The following ZC3HC1 variants were observed in gnomAD, a reference collection of about 807,000 sequenced individuals.
ZC3HC1 encodes zinc finger C3HC-type containing 1.
ZC3HC1 carries 38 observed loss-of-function variants against 61.9 expected under a neutral mutation model. That is an observed-to-expected ratio of 0.61 (90% confidence interval 0.47 to 0.81). ZC3HC1 has a LOEUF of 0.81. ZC3HC1 is among the 30% of genes least tolerant of loss of function. The pLI is 0.00. For synonymous variants in ZC3HC1, 213 were observed against 229.9 expected (o/e 0.93, Z 0.67); for missense variants, 554 against 622.7 (o/e 0.89, Z 1.17).
At chr7:130,043,873 T>C (rs1333965999) in intron 2 of ZC3HC1, 1 of 455,284 alleles carries the variant, frequency 2.2e-6, no homozygotes, top group Non-Finnish European at 4.4e-6. Flanking sequence ...AGGGGATTGA[T>C]CAAAGTAGTA....
chr7:130,026,261 G>A lies in ZC3HC1; in HGVS notation c.673C>T (p.Leu225Phe), dbSNP rs757099792. The A allele has an allele frequency of 6.2e-7, 1 of 1,614,064 alleles. No individual in the cohort carries two copies. Among genetic ancestry groups the A allele is most frequent in the South Asian group, 1.1e-5 (1 of 91,082 alleles). Residue 225 changes from leucine (L) to phenylalanine (F), a missense_variant, in exon 6 of 10, where the codon CTT becomes TTT. By Grantham distance (22) the Leu-to-Phe change is conservative. Transcript: ENST00000358303. ...TTTCTCTCATCAGTTCGGTGATCAA[G>A]TTCATCTTCAAGCAAGTGTAGGAGA... ...SLLLHLLEDE[L>F]DHRTDERKTT... is the part of the protein sequence containing the mutation.
chr7:130,027,736 C>G (rs1793982771), intron 5 of ZC3HC1, among the ~76,000 whole-genome samples: 1 of 151,748 alleles, frequency 6.6e-6, no homozygotes, highest in South Asian at 2.1e-4. Flanking sequence ...CCAGGCTGGT[C>G]TCGAACTCCT....
rs1306945141 is a variant in ZC3HC1 at position 130,039,147 on chromosome 7, C to A, written c.493+317G>T. 7.4e-5 allele frequency: 19 copies of A among 255,648 alleles called. No homozygotes were observed. In the East Asian group the frequency reaches 1.3e-3, roughly 17 times the overall value. 15.8% of individuals were successfully genotyped at this position (255,648 alleles called of 1,614,324 possible). On this transcript the variant is annotated intron_variant, in intron 4 of 9. Transcript: ENST00000358303. ...ATCATCTGAGGTCAAGAGTTCGAGA[C>A]CAGATTGACCAACATGGTGAAACCC...
chr7:130,026,339 C>T (rs1793909217), intron 5 of ZC3HC1, 27 bp from the exon 6 acceptor site: 11 of 1,588,276 alleles, frequency 6.9e-6, no homozygotes, highest in Admixed American at 3.5e-5. Flanking sequence ...TAAAAAACTT[C>T]GTTTCAACCA....
chr7:130,027,761 T>C (rs7456578), intron 5 of ZC3HC1, among the ~76,000 whole-genome samples: 1 of 151,800 alleles, frequency 6.6e-6, no homozygotes, highest in Non-Finnish European at 1.5e-5. Context: ...TCAGGTGATC[T>C]ACCCACCTCA....
intron 9 of ZC3HC1, among the ~76,000 whole-genome samples, chr7:130,021,456 C>T (rs2116648648): frequency 6.6e-6 from 1 of 152,348 alleles, no homozygotes; most frequent in Middle Eastern, 3.4e-3. Context: ...CCAATCTTTA[C>T]ACAGAGCAAA....
chr7:130,032,154 G>A (rs776755428), intron 4 of ZC3HC1, among the ~76,000 whole-genome samples: 4 of 151,034 alleles, frequency 2.6e-5, no homozygotes, highest in African/African-American at 2.4e-5. Context: ...AACCTGGGAG[G>A]TGGAGGTTGC....
At chr7:130,043,872 A>G (rs1315180730) in intron 2 of ZC3HC1, 1 of 455,608 alleles carries the variant, frequency 2.2e-6, no homozygotes, top group East Asian at 7.0e-5. Context: ...TAGGGGATTG[A>G]TCAAAGTAGT....
intron 4 of ZC3HC1, among the ~76,000 whole-genome samples, chr7:130,032,670 G>C (rs990952131): frequency 2.2e-5 from 1 of 45,938 alleles, no homozygotes; most frequent in African/African-American, 1.1e-4. Flanking sequence ...AGAAGAAATG[G>C]AAGGAAGGAA....
chr7:130,031,435 C>T (rs1794187068), intron 4 of ZC3HC1, among the ~76,000 whole-genome samples: 1 of 152,064 alleles, frequency 6.6e-6, no homozygotes, highest in Non-Finnish European at 1.5e-5. Context: ...TCCAAAGCCC[C>T]ATTCCAGAGA....
At chr7:130,043,879 T>C (rs1383799854) in intron 2 of ZC3HC1, 2 of 454,830 alleles carry the variant, frequency 4.4e-6, no homozygotes, top group South Asian at 1.6e-5. Flanking sequence ...TTGATCAAAG[T>C]AGTAAATATA....
At chr7:130,049,680 G>A (rs1794998598) in intron 1 of ZC3HC1, among the ~76,000 whole-genome samples, 2 of 151,918 alleles carry the variant, frequency 1.3e-5, no homozygotes, top group Non-Finnish European at 2.9e-5. Flanking sequence ...CAGTAGCTGG[G>A]ATTACAGGCG....
intron 1 of ZC3HC1, among the ~76,000 whole-genome samples, chr7:130,050,129 G>C (rs1160247267): frequency 6.6e-6 from 1 of 151,968 alleles, no homozygotes; most frequent in East Asian, 1.9e-4. Flanking sequence ...TCAGGCTGGA[G>C]TGCAGTGACG....
Position 130,024,500 on chromosome 7 carries a change from A to G in ZC3HC1, c.783T>C (p.Ser261=). The change falls in exon 7 of 10, where the codon TCT becomes TCC. Residue 261 remains serine (S), a synonymous_variant. Transcript: ENST00000358303. Reference sequence around the variant, plus strand: ...TCAGGGAGAGCTGCATGGATTCCAAAGAGGAACTAGATAGGAATGAAAAAG... The same window carrying G: ...TCAGGGAGAGCTGCATGGATTCCAAGGAGGAACTAGATAGGAATGAAAAAG... ...LSVCGWACSS[S]LESMQLSLIT... is the part of the protein sequence containing the mutation. 2 of 1,607,094 alleles carry G rather than the reference A, an allele frequency of 1.2e-6. No individual in the cohort carries two copies. The highest frequency in any genetic ancestry group is 1.7e-6 in the Non-Finnish European group (2 of 1,176,830).
chr7:130,026,091 G>A lies in ZC3HC1; in HGVS notation c.776+67C>T, dbSNP rs1202864337. 5 of 1,464,468 alleles carry A rather than the reference G, an allele frequency of 3.4e-6. No homozygotes were observed. In the Admixed American group the frequency reaches 8.6e-5, roughly 25 times the overall value. 90.7% of individuals were successfully genotyped at this position (1,464,468 alleles called of 1,614,324 possible). On this transcript the variant is annotated intron_variant, in intron 6 of 9. Coordinates refer to ENST00000358303, the MANE Select transcript of ZC3HC1 (RefSeq NM_016478.5). ...CATGTGATTTCTAAATACGATTAGT[G>A]ACTGATATATATGGGTGTAATGCTG...
chr7:130,047,537 G>A (rs1794912802), intron 2 of ZC3HC1, among the ~76,000 whole-genome samples: 1 of 152,006 alleles, frequency 6.6e-6, no homozygotes, highest in South Asian at 2.1e-4. Flanking sequence ...CAGGTTTGGC[G>A]GCTCAGGCCT....
rs1793682042 is a variant in ZC3HC1 at position 130,022,344 on chromosome 7, C to T, written c.1415G>A (p.Ser472Asn). ...LTILLAHKQS[S>N]QPAETDSMSL... ...CATGGAGTCCGTTTCAGCTGGCTGGCTAGACTGTTTGTGCGCCAAGAGGAT... is the reference window on the plus strand; with the variant it reads ...CATGGAGTCCGTTTCAGCTGGCTGGTTAGACTGTTTGTGCGCCAAGAGGAT... Residue 472 changes from serine (S) to asparagine (N), a missense_variant, in exon 9 of 10, where the codon AGC becomes AAC. Coordinates refer to ENST00000358303, the MANE Select transcript of ZC3HC1 (RefSeq NM_016478.5). The T allele has an allele frequency of 6.2e-7, 1 of 1,614,164 alleles. No individual in the cohort carries two copies. The highest frequency in any genetic ancestry group is 1.1e-5 in the South Asian group (1 of 91,084).
chr7:130,033,721 G>A (rs1229872882), intron 4 of ZC3HC1, among the ~76,000 whole-genome samples: 1 of 152,090 alleles, frequency 6.6e-6, no homozygotes, highest in African/African-American at 2.4e-5. Context: ...CAAAGTGTTG[G>A]GATTACAGGC....
chr7:130,030,494 C>T (rs1794132740), intron 4 of ZC3HC1, among the ~76,000 whole-genome samples: 1 of 151,982 alleles, frequency 6.6e-6, no homozygotes, highest in African/African-American at 2.4e-5. Flanking sequence ...GTCACCACGC[C>T]CAGCCCTGAA....
Sources: allele counts gnomAD v4.1 joint callset (sites outside exome capture counted in the v4.1 genomes callset), GRCh38; gene constraint gnomAD v4.1.1; transcripts MANE v1.5; gene names NCBI Gene and HGNC (gene_info 2026-07-23, HGNC 2026-07-21).